Variants in NECTIN1 observed in about 807,000 individuals in gnomAD.
The protein encoded by NECTIN1 is nectin-1.
In NECTIN1, 23 loss-of-function variants were observed where a neutral mutation model predicts 48.0. The observed-to-expected ratio is 0.48, with a 90% CI of 0.34 to 0.68. The LOEUF (loss-of-function observed/expected upper bound fraction) is 0.68. Ranked by LOEUF, NECTIN1 falls within the 30% of genes least tolerant of loss-of-function variation. The pLI, the probability that NECTIN1 is intolerant of heterozygous loss-of-function variation, is 0.01. For missense variants in NECTIN1, 591 were observed against 709.9 expected (o/e 0.83, Z 1.90); for synonymous variants, 270 against 288.9 (o/e 0.93, Z 0.66).
intron 1 of NECTIN1, among the ~76,000 whole-genome samples, chr11:119,704,152 C>T (rs748753394): frequency 1.3e-5 from 2 of 152,168 alleles, no homozygotes; most frequent in Non-Finnish European, 2.9e-5. Flanking sequence ...CATTTTCCTG[C>T]ACACGAACCT....
intron 4 of NECTIN1, chr11:119,676,894 C>T (rs1864960234): frequency 1.6e-6 from 1 of 611,476 alleles, no homozygotes; most frequent in Non-Finnish European, 3.0e-6. Context: ...TAGCTTGTTC[C>T]ATTGACCTTG....
At chr11:119,671,333 C>T (rs1864859183) in intron 5 of NECTIN1, among the ~76,000 whole-genome samples, 1 of 152,026 alleles carries the variant, frequency 6.6e-6, no homozygotes, top group African/African-American at 2.4e-5. Flanking sequence ...AGCCAGCCTC[C>T]CTCACATCCT....
At chr11:119,667,570 G>A (rs1864795518) in intron 5 of NECTIN1, among the ~76,000 whole-genome samples, 2 of 152,216 alleles carry the variant, frequency 1.3e-5, no homozygotes, top group Non-Finnish European at 2.9e-5. Flanking sequence ...AGGCCAGGAG[G>A]ATAAGGAAGC....
intron 1 of NECTIN1, among the ~76,000 whole-genome samples, chr11:119,686,702 G>T (rs1015779509): frequency 2.6e-5 from 4 of 152,132 alleles, no homozygotes; most frequent in Non-Finnish European, 5.9e-5. Context: ...CCACTCCCCC[G>T]TTACCTGCGC....
intron 1 of NECTIN1, among the ~76,000 whole-genome samples, chr11:119,714,373 C>T (rs1213923833): frequency 2.0e-5 from 3 of 152,176 alleles, no homozygotes; most frequent in Admixed American, 6.5e-5. Context: ...CACCATGGCA[C>T]GAAGCAGCAA....
intron 1 of NECTIN1, among the ~76,000 whole-genome samples, chr11:119,722,883 C>T (rs930053073): frequency 7.2e-5 from 11 of 152,368 alleles, no homozygotes; most frequent in Admixed American, 5.2e-4. Context: ...CAATGTGCTA[C>T]GCACTTTTCA....
intron 1 of NECTIN1, among the ~76,000 whole-genome samples, chr11:119,682,888 G>A (rs937806309): frequency 9.2e-5 from 14 of 152,246 alleles, no homozygotes; most frequent in Middle Eastern, 3.4e-3. Context: ...CTTCCAGGAC[G>A]CCCTTGTGAC....
Position 119,664,674 on chromosome 11 carries a change from T to C in NECTIN1, c.*73A>G. 4.4e-6 allele frequency: 3 copies of C among 674,888 alleles called. No homozygotes were observed. Among genetic ancestry groups the C allele is most frequent in the Non-Finnish European group, 6.5e-6 (3 of 458,078 alleles). The allele number at this position is 674,888 out of a possible 1,614,324, so 41.8% of individuals were successfully genotyped here. A position where few individuals can be genotyped will look rare whatever the true frequency, so the allele number is the denominator to read the frequency against. On this transcript the variant is annotated 3_prime_UTR_variant, in exon 6 of 6. Transcript: ENST00000264025. ...TCTGTTCAGCTCCTGGAGTGGGAGG[T>C]GGGGGGTGGGCAGGGGGCGTGCGGG...
Position 119,664,290 on chromosome 11 carries a change from G to A in NECTIN1, c.*457C>T. 2.0e-6 allele frequency: 2 copies of A among 998,876 alleles called. No individual in the cohort carries two copies. The highest frequency in any genetic ancestry group is 2.4e-6 in the Non-Finnish European group (2 of 837,816). The allele number at this position is 998,876 out of a possible 1,614,324, so 61.9% of individuals were successfully genotyped here. A position where few individuals can be genotyped will look rare whatever the true frequency, so the allele number is the denominator to read the frequency against. On this transcript the variant is annotated 3_prime_UTR_variant, in exon 6 of 6. Coordinates refer to ENST00000264025, the MANE Select transcript of NECTIN1 (RefSeq NM_002855.5). The stretch of plus-strand genomic sequence containing the variant: ...TGGGTGTTGGGTTCCCTCTAGCCGG[G>A]AGGAGGAGCAGCATCTGGGGGTGTG...
intron 1 of NECTIN1, among the ~76,000 whole-genome samples, chr11:119,702,156 G>A (rs528714578): frequency 4.6e-5 from 7 of 152,282 alleles, no homozygotes; most frequent in South Asian, 2.1e-4. Context: ...TCTGTGTGAT[G>A]TGATCTCATC....
At chr11:119,648,572 C>A (rs1184972374) in intron 5 of NECTIN1, among the ~76,000 whole-genome samples, 2 of 151,012 alleles carry the variant, frequency 1.3e-5, no homozygotes, top group Non-Finnish European at 3.0e-5. Flanking sequence ...GAGCAACGGG[C>A]CTGAGACTGT....
At chr11:119,660,575 C>T (rs1383047670), downstream of NECTIN1, among the ~76,000 whole-genome samples, 3 of 152,100 alleles carry the variant, frequency 2.0e-5, no homozygotes, top group South Asian at 2.1e-4. Flanking sequence ...CAGGAGGGGA[C>T]GTGGCAGGAA....
chr11:119,708,959 A>C (rs563341044), intron 1 of NECTIN1, among the ~76,000 whole-genome samples: 1 of 152,100 alleles, frequency 6.6e-6, no homozygotes, highest in African/African-American at 2.4e-5. Context: ...TCCAAGACTC[A>C]GCTTCCCTCC....
At chr11:119,669,606 C>T (rs930802962) in intron 5 of NECTIN1, among the ~76,000 whole-genome samples, 6 of 145,844 alleles carry the variant, frequency 4.1e-5, no homozygotes, top group Non-Finnish European at 8.8e-5. Context: ...TGAAGTGTAA[C>T]ATATCTGCTC....
rs137909701 is a variant in NECTIN1, at chr11:119,664,967, C to CCCT, written c.1331_1333dup (p.Glu444dup). The CCCT allele has an allele frequency of 0.078, 125,790 of 1,610,534 alleles. 4,396 individuals carry two copies. The highest frequency in any genetic ancestry group is 0.093 in the Non-Finnish European group (109,220 of 1,177,600). On this transcript the variant is annotated inframe_insertion, in exon 6 of 6. Coordinates refer to ENST00000264025, the MANE Select transcript of NECTIN1 (RefSeq NM_002855.5). ...CACCTTGCGCTCGCCCCCTCCACCG[C>CCCT]CCTCCTCCTCCTCCTCCTCCTCCTC...
chr11:119,655,121 G>A (rs1438105293), intron 5 of NECTIN1, among the ~76,000 whole-genome samples: 1 of 151,744 alleles, frequency 6.6e-6, no homozygotes, highest in Admixed American at 6.6e-5. Context: ...ATGTTGGCCA[G>A]GCTGGTCTTG....
chr11:119,711,716 A>C (rs1188816049), intron 1 of NECTIN1, among the ~76,000 whole-genome samples: 1 of 152,210 alleles, frequency 6.6e-6, no homozygotes, highest in African/African-American at 2.4e-5. Context: ...AGCCAGGAGC[A>C]GTTTATTTTG....
In NECTIN1 at chr11:119,709,337, C is replaced by A. The variant is rs557173681; in HGVS notation, c.79+19138G>T. Among the ~76,000 whole-genome samples, 1 of 152,290 alleles carries A rather than the reference C, an allele frequency of 6.6e-6. No homozygotes were observed. Among genetic ancestry groups the A allele is most frequent in the East Asian group, 1.9e-4 (1 of 5,176 alleles). On this transcript the variant is annotated intron_variant, in intron 1 of 5. Coordinates refer to ENST00000264025, the MANE Select transcript of NECTIN1 (RefSeq NM_002855.5). The surrounding 1 kb of genome is among the most constrained non-coding windows in gnomAD (Gnocchi z 4.1). Reference sequence around the variant, plus strand: ...GCCCCTGAGAATCTGGGATCACCAGCTCCACATCCGGGCCCAGGGCGCCTC... The same window carrying A: ...GCCCCTGAGAATCTGGGATCACCAGATCCACATCCGGGCCCAGGGCGCCTC...
chr11:119,677,067 C>G lies in NECTIN1; in HGVS notation c.851+35G>C. 6.3e-7 allele frequency: 1 copy of G among 1,577,592 alleles called. No homozygotes were observed. The highest frequency in any genetic ancestry group is 8.7e-7 in the Non-Finnish European group (1 of 1,146,830). On this transcript the variant is annotated intron_variant, in intron 4 of 5. Coordinates refer to ENST00000264025, the MANE Select transcript of NECTIN1 (RefSeq NM_002855.5). This position sits in a 1 kb window ranked among gnomAD's most constrained non-coding sequence, Gnocchi z 5.4. Reference sequence around the variant, plus strand: ...CATCACCCGTGGTCCAGTCAGCTGTCTTCCAAGGTGACTGGTCAGCCCTGC... The same window carrying G: ...CATCACCCGTGGTCCAGTCAGCTGTGTTCCAAGGTGACTGGTCAGCCCTGC...
Sources: gnomAD v4.1 joint callset for allele counts (sites outside exome capture counted in the v4.1 genomes callset) on GRCh38, gnomAD v4.1.1 for gene constraint, Gnocchi (gnomAD v3.1) non-coding constraint, MANE v1.5 for transcripts, NCBI Gene and HGNC (gene_info 2026-07-23, HGNC 2026-07-21) for gene names.